CLASRP: variants seen among roughly 807,000 people sequenced by gnomAD.
CLASRP encodes CLK4-associating serine/arginine rich protein.
In CLASRP, 52 loss-of-function variants were observed where a neutral mutation model predicts 99.9. The observed-to-expected ratio is 0.52, with a 90% CI of 0.42 to 0.66. The LOEUF is 0.66. Ranked by LOEUF, CLASRP falls within the 30% of genes least tolerant of loss-of-function variation. The pLI is 0.00. For synonymous variants in CLASRP, 379 were observed against 373.0 expected (o/e 1.02, Z -0.18); for missense variants, 848 against 999.2 (o/e 0.85, Z 2.04).
Position 45,064,654 on chromosome 19 carries a change from T to C in CLASRP, c.1409+24T>C, listed in dbSNP as rs780013781. On this transcript the variant is annotated intron_variant, in intron 13 of 20. Transcript: ENST00000221455. ...AGGTGTGTGTGGCTGGGCGTGGAGG[T>C]GGGAGGGGCTGGGGGGGCGCGGTCT... The C allele has an allele frequency of 2.0e-6, 3 of 1,516,148 alleles. No individual in the cohort carries two copies. In the African/African-American group the frequency reaches 4.2e-5, roughly 21 times the overall value. 93.9% of individuals were successfully genotyped at this position (1,516,148 alleles called of 1,614,324 possible).
intron 12 of CLASRP, 44 bp from the exon 13 acceptor site, chr19:45,064,298 GC>G (rs757177968): frequency 1.3e-6 from 2 of 1,506,142 alleles, no homozygotes; most frequent in South Asian, 2.5e-5. Flanking sequence ...GAGGGGGGCC[GC>G]GGCTCAGGCC....
At chr19:45,066,539 C>T (rs1310028670) in intron 13 of CLASRP, among the ~76,000 whole-genome samples, 1 of 147,170 alleles carries the variant, frequency 6.8e-6, no homozygotes, top group Non-Finnish European at 1.5e-5. Context: ...AGGAGAATTG[C>T]TTGAACCCAG....
At chr19:45,047,541 C>T (rs1301391472) in intron 2 of CLASRP, 6 of 150,958 alleles carry the variant, frequency 4.0e-5, no homozygotes, top group African/African-American at 4.9e-5. Context: ...CACAAAAATT[C>T]GTGAAACCTT....
rs780744035 is a variant in CLASRP, at chr19:45,070,755, T to C, written c.1983-48T>C. ...GAAGCATCCACGGCCCCAGGTGTGT[T>C]GATGTGTGTATGCCCCATCCTCACG... On this transcript the variant is annotated intron_variant, in intron 20 of 20. Coordinates refer to ENST00000221455, the MANE Select transcript of CLASRP (RefSeq NM_007056.3). The C allele has an allele frequency of 2.9e-5, 44 of 1,525,758 alleles. 1 individual carries two copies. The South Asian group carries it at 3.8e-4, about 13-fold the overall frequency. The allele number at this position is 1,525,758 out of a possible 1,614,324, so 94.5% of individuals were successfully genotyped here.
intron 2 of CLASRP, 46 bp downstream of exon 2, chr19:45,040,357 G>A: frequency 2.2e-6 from 3 of 1,346,508 alleles, no homozygotes; most frequent in Non-Finnish European, 3.1e-6. Context: ...CTGGGTTGGG[G>A]GGCACAGCTG....
chr19:45,057,030 C>G (rs988435602), intron 6 of CLASRP, among the ~76,000 whole-genome samples: 1 of 152,162 alleles, frequency 6.6e-6, no homozygotes, highest in African/African-American at 2.4e-5. Context: ...GCTGGGGAGA[C>G]CCGGGCCTTA....
chr19:45,067,870 T>C lies in CLASRP; in HGVS notation c.1668-145T>C. On this transcript the variant is annotated intron_variant, in intron 14 of 20. Transcript: ENST00000221455. The surrounding 1 kb of genome is among the most constrained non-coding windows in gnomAD (Gnocchi z 4.9). ...TCCCTGTCTTACAGGTTCTGTGGGG[T>C]CTGAGAGGGACATGGTTGCACCCTG... is the stretch of plus-strand genomic sequence containing the variant. 1.4e-6 allele frequency: 1 copy of C among 694,250 alleles called. No individual in the cohort carries two copies. Among genetic ancestry groups the C allele is most frequent in the Non-Finnish European group, 2.6e-6 (1 of 384,308 alleles). The allele number at this position is 694,250 out of a possible 1,614,324, so 43.0% of individuals were successfully genotyped here.
At chr19:45,043,179 TC>T (rs1458392423) in intron 2 of CLASRP, among the ~76,000 whole-genome samples, 1 of 147,128 alleles carries the variant, frequency 6.8e-6, no homozygotes, top group Non-Finnish European at 1.5e-5. Flanking sequence ...CCCAAGCACT[TC>T]AGATAAGGAA....
intron 2 of CLASRP, among the ~76,000 whole-genome samples, chr19:45,051,767 G>A (rs1972027533): frequency 6.6e-6 from 1 of 152,082 alleles, no homozygotes; most frequent in African/African-American, 2.4e-5. Context: ...AGGAGATCGA[G>A]ACCATCCTGG....
chr19:45,069,574 C>A, intron 18 of CLASRP: 1 of 523,742 alleles, frequency 1.9e-6, no homozygotes, highest in South Asian at 2.2e-5. Flanking sequence ...GGTCTTTCTC[C>A]TGTCCCAGCC....
intron 6 of CLASRP, among the ~76,000 whole-genome samples, chr19:45,057,514 CAG>C (rs1972142217): frequency 6.6e-6 from 1 of 152,170 alleles, no homozygotes; most frequent in Admixed American, 6.5e-5. Context: ...CTGGGGAGCT[CAG>C]GACAGTGCTG....
At position 45,064,237 on chromosome 19, in the gene CLASRP, G is replaced by T. The variant is rs748407261; in HGVS notation, c.1121+10G>T. On this transcript the variant is annotated intron_variant, in intron 12 of 20. Coordinates refer to ENST00000221455, the MANE Select transcript of CLASRP (RefSeq NM_007056.3). Reference sequence around the variant, plus strand: ...GTAATGCCAGCGCCCGGTCGGTAACGCTCACGCCGCCCGCCCTACGCCCCG... The same window carrying T: ...GTAATGCCAGCGCCCGGTCGGTAACTCTCACGCCGCCCGCCCTACGCCCCG... 40 of 1,574,674 alleles carry T rather than the reference G, an allele frequency of 2.5e-5. No individual in the cohort carries two copies. The highest frequency in any genetic ancestry group is 3.4e-5 in the Non-Finnish European group (39 of 1,162,534).
intron 16 of CLASRP, among the ~76,000 whole-genome samples, chr19:45,068,737 A>G (rs920902633): frequency 2.0e-5 from 3 of 150,712 alleles, no homozygotes; most frequent in Admixed American, 6.6e-5. Flanking sequence ...GGTGGCTCAC[A>G]CCTGTAATCC....
In CLASRP at chr19:45,053,087, C is replaced by T; in HGVS notation, c.300-11C>T. The T allele has an allele frequency of 6.2e-7, 1 of 1,613,944 alleles. No homozygotes were observed. Among genetic ancestry groups the T allele is most frequent in the South Asian group, 1.1e-5 (1 of 91,064 alleles). On this transcript the variant is annotated splice_polypyrimidine_tract_variant and intron_variant, in intron 4 of 20. Coordinates refer to ENST00000221455, the MANE Select transcript of CLASRP (RefSeq NM_007056.3). ...TTCTCTCTGATTTCAAGGTCTCGCC[C>T]TTCCCTAAAGCTCCCCAGAACAGGA... is the stretch of plus-strand genomic sequence containing the variant.
rs566083112 is a variant in CLASRP at position 45,050,107 on chromosome 19, C to T, written c.100-1964C>T. On this transcript the variant is annotated intron_variant, in intron 2 of 20. Transcript: ENST00000221455. The stretch of plus-strand genomic sequence containing the variant: ...CATGTCTGGAATGCCCAAGGAATGG[C>T]GTGAGGCGAGGGCCTGTGTGCCTGG... Among the ~76,000 whole-genome samples, 19 of 148,640 alleles carry T rather than the reference C, an allele frequency of 1.3e-4. 1 individual carries two copies. Among genetic ancestry groups the T allele is most frequent in the South Asian group, 6.3e-4 (3 of 4,752 alleles).
intron 15 of CLASRP, 173 bp downstream of exon 15, chr19:45,068,227 A>G (rs1028928487): frequency 3.0e-6 from 2 of 673,728 alleles, no homozygotes; most frequent in East Asian, 2.7e-5. Flanking sequence ...TCCCCTCCTC[A>G]CTGTACACTG....
chr19:45,053,145 A>G lies in CLASRP; in HGVS notation c.347A>G (p.Tyr116Cys). 6.2e-7 allele frequency: 1 copy of G among 1,614,046 alleles called. No individual in the cohort carries two copies. The highest frequency in any genetic ancestry group is 2.2e-5 in the East Asian group (1 of 44,870). Residue 116 changes from tyrosine to cysteine, a missense_variant, in exon 5 of 21, where the codon TAC (tyrosine) becomes TGC (cysteine). Transcript: ENST00000221455. ...SDERKCNYER[Y>C]RGLVQNDFAG... The stretch of plus-strand genomic sequence containing the variant: ...GAACGGAAGTGTAACTACGAGCGCT[A>G]CAGAGGCCTGGTGCAGAACGACTTT...
chr19:45,048,686 A>G (rs1004544248), intron 2 of CLASRP, among the ~76,000 whole-genome samples: 3 of 151,740 alleles, frequency 2.0e-5, no homozygotes, highest in Non-Finnish European at 4.4e-5. Context: ...CATCTGTAAC[A>G]TGGGCATAAG....
In CLASRP at chr19:45,067,971, CT is replaced by C. The variant is rs1568422836; in HGVS notation, c.1668-41del. On this transcript the variant is annotated intron_variant, in intron 14 of 20. Transcript: ENST00000221455. This position sits in a 1 kb window ranked among gnomAD's most constrained non-coding sequence, Gnocchi z 4.9. The stretch of plus-strand genomic sequence containing the variant: ...GCTGGGGTCAGAGGTGGCAGCTGCC[CT>C]TTCCCCCTCCCAACCATGTCCTCTG... The C allele has an allele frequency of 6.8e-7, 1 of 1,471,996 alleles. No homozygotes were observed. The highest frequency in any genetic ancestry group is 9.5e-7 in the Non-Finnish European group (1 of 1,050,696). 91.2% of individuals were successfully genotyped at this position (1,471,996 alleles called of 1,614,324 possible). A position where few individuals can be genotyped will look rare whatever the true frequency, so the allele number is the denominator to read the frequency against.
Sources: allele counts gnomAD v4.1 joint callset (sites outside exome capture counted in the v4.1 genomes callset), GRCh38; gene constraint gnomAD v4.1.1; non-coding constraint Gnocchi (gnomAD v3.1); transcripts MANE v1.5; gene names NCBI Gene and HGNC (gene_info 2026-07-23, HGNC 2026-07-21).